COL4A1: variants seen among roughly 807,000 people sequenced by gnomAD.
COL4A1 encodes the protein collagen alpha-1(IV) chain.
A neutral mutation model predicts 216.6 loss-of-function variants in COL4A1; 40 were observed. The ratio of observed to expected loss-of-function variants is 0.18; its 90% CI spans 0.14 to 0.24. The LOEUF (loss-of-function observed/expected upper bound fraction) is 0.24. Among genes scored for constraint, COL4A1 ranks in the 10% least tolerant of loss-of-function variants. The pLI, the probability that COL4A1 is intolerant of heterozygous loss-of-function variation, is 1.00. For missense variants in COL4A1, 1,628 were observed against 2,196.8 expected, an observed-to-expected ratio of 0.74 and a Z score of 5.18; for synonymous variants, 839 against 810.7, an observed-to-expected ratio of 1.03 and a Z score of -0.59.
intron 1 of COL4A1, among the ~76,000 whole-genome samples, chr13:110,247,651 C>T (rs920722382): frequency 6.6e-6 from 1 of 151,784 alleles, no homozygotes; most frequent in African/African-American, 2.4e-5. Context: ...GGTTTTCTCG[C>T]ATCTACAGAC....
intron 1 of COL4A1, among the ~76,000 whole-genome samples, chr13:110,244,211 C>T (rs996178824): frequency 5.9e-5 from 9 of 152,116 alleles, no homozygotes; most frequent in African/African-American, 2.2e-4. Flanking sequence ...GCCATGGAGA[C>T]GCCTGCATAA....
At chr13:110,163,648 C>T (rs1877189011) in intron 46 of COL4A1, 87 bp from the exon 47 acceptor site, 1 of 1,252,822 alleles carries the variant, frequency 8.0e-7, no homozygotes, top group South Asian at 1.3e-5. Context: ...TTTCAGTGTT[C>T]AAGGAGCCAA....
At chr13:110,186,584 A>C (rs1471307479) in intron 25 of COL4A1, 31 bp from the exon 26 acceptor site, 2 of 1,613,102 alleles carry the variant, frequency 1.2e-6, no homozygotes, top group South Asian at 2.2e-5. Flanking sequence ...AGACACCGTT[A>C]TCAGAGACAC....
chr13:110,255,332 TGAG>T (rs1380425084), intron 1 of COL4A1, among the ~76,000 whole-genome samples: 1 of 151,202 alleles, frequency 6.6e-6, no homozygotes, highest in Non-Finnish European at 1.5e-5. Context: ...TGTATTAGCA[TGAG>T]GAGGGAAGGG....
chr13:110,220,923 G>A (rs991530998), intron 2 of COL4A1, among the ~76,000 whole-genome samples: 4 of 152,214 alleles, frequency 2.6e-5, no homozygotes, highest in African/African-American at 7.2e-5. Flanking sequence ...GGATTCTTGA[G>A]TGGAAAATCC....
chr13:110,184,423 TC>T (rs1594558732), intron 26 of COL4A1, among the ~76,000 whole-genome samples: 2 of 152,100 alleles, frequency 1.3e-5, no homozygotes, highest in African/African-American at 4.8e-5. Flanking sequence ...TGATCGGAAG[TC>T]CCTATGCCTG....
chr13:110,216,824 T>G (rs1187190525), intron 2 of COL4A1, among the ~76,000 whole-genome samples: 1 of 152,160 alleles, frequency 6.6e-6, no homozygotes, highest in Non-Finnish European at 1.5e-5. Context: ...ATTTCACAGA[T>G]AGGGAAATTA....
At chr13:110,224,114 C>T (rs1446467130) in intron 2 of COL4A1, among the ~76,000 whole-genome samples, 1 of 152,188 alleles carries the variant, frequency 6.6e-6, no homozygotes, top group Non-Finnish European at 1.5e-5. Flanking sequence ...AATGATCACA[C>T]TTAGGAGGTG....
rs1438305134 is a variant in COL4A1, at chr13:110,211,349, A to G, written c.468+298T>C. ...TGGGAAGTCTGAGAGGCACCCAGGG[A>G]GCCCCATTCTCCCATCTGCCTCCCC... is the stretch of plus-strand genomic sequence containing the variant. On this transcript the variant is annotated intron_variant, in intron 8 of 51. Transcript: ENST00000375820. The surrounding 1 kb of genome is among the most constrained non-coding windows in gnomAD (Gnocchi z 4.3). Among the ~76,000 whole-genome samples, 1 of 152,192 alleles carries G rather than the reference A, an allele frequency of 6.6e-6. No individual in the cohort carries two copies. Among genetic ancestry groups the G allele is most frequent in the Non-Finnish European group, 1.5e-5 (1 of 68,030 alleles).
intron 20 of COL4A1, among the ~76,000 whole-genome samples, 183 bp downstream of exon 20, chr13:110,200,671 C>A (rs936759363): frequency 6.6e-6 from 1 of 152,156 alleles, no homozygotes; most frequent in Non-Finnish European, 1.5e-5. Context: ...TGGTCACTTA[C>A]AAAAGACAAG....
intron 1 of COL4A1, among the ~76,000 whole-genome samples, chr13:110,266,962 G>C (rs9521681): frequency 2.6e-5 from 4 of 152,166 alleles, no homozygotes; most frequent in Non-Finnish European, 4.4e-5. Context: ...AATGAGATTT[G>C]AGAAAATTTG....
intron 19 of COL4A1, 90 bp downstream of exon 19, chr13:110,201,348 G>GGAGGAGGAGGAA: frequency 1.1e-6 from 1 of 931,632 alleles, no homozygotes; most frequent in Middle Eastern, 2.9e-4. Flanking sequence ...AGGAACAGGA[G>GGAGGAGGAGGAA]GAGGAGGAGG....
chr13:110,190,561 C>T (rs867592033), intron 24 of COL4A1, among the ~76,000 whole-genome samples: 28 of 152,312 alleles, frequency 1.8e-4, no homozygotes, highest in African/African-American at 5.8e-4. Context: ...GAAATGCTAT[C>T]TAAGTCAAAT....
intron 24 of COL4A1, among the ~76,000 whole-genome samples, chr13:110,188,881 C>A (rs191587762): frequency 1.6e-4 from 25 of 152,278 alleles, no homozygotes; most frequent in Admixed American, 1.4e-3. Context: ...CCATACCAAC[C>A]ACGATGCACT....
At chr13:110,162,902 A>G (rs1877151987) in intron 47 of COL4A1, among the ~76,000 whole-genome samples, 1 of 152,236 alleles carries the variant, frequency 6.6e-6, no homozygotes, top group Non-Finnish European at 1.5e-5. Flanking sequence ...AAGCCTGCGT[A>G]TGGAAATGGA....
chr13:110,226,459 T>C (rs1880741307), intron 2 of COL4A1, among the ~76,000 whole-genome samples: 1 of 152,264 alleles, frequency 6.6e-6, no homozygotes, highest in African/African-American at 2.4e-5. Context: ...TACTTGTCTG[T>C]ATCTTATCAC....
chr13:110,276,242 A>AAAAAAT (rs1358513248), intron 1 of COL4A1, among the ~76,000 whole-genome samples: 1 of 152,176 alleles, frequency 6.6e-6, no homozygotes, highest in Non-Finnish European at 1.5e-5. Context: ...CAAGTCAATT[A>AAAAAAT]AAAAATAAAA....
chr13:110,150,048 C>T lies in COL4A1; in HGVS notation c.*315G>A, dbSNP rs1876427040. ...ACAGTATGGAAGGCACCCACACCTC[C>T]TAGCACCCTTTGGTTTTCTGATGGA... On this transcript the variant is annotated 3_prime_UTR_variant, in exon 52 of 52. Transcript: ENST00000375820. 2.4e-6 allele frequency: 1 copy of T among 412,106 alleles called. No homozygotes were observed. Among genetic ancestry groups the T allele is most frequent in the African/African-American group, 2.0e-5 (1 of 48,906 alleles). The allele number at this position is 412,106 out of a possible 1,614,324, so 25.5% of individuals were successfully genotyped here. A position where few individuals can be genotyped will look rare whatever the true frequency, so the allele number is the denominator to read the frequency against.
chr13:110,173,551 G>T (rs1402484157), intron 40 of COL4A1, among the ~76,000 whole-genome samples: 2 of 152,130 alleles, frequency 1.3e-5, no homozygotes, highest in African/African-American at 4.8e-5. Flanking sequence ...GCTGGGCAAA[G>T]AAAAGAGTTT....
Sources: gnomAD v4.1 joint callset for allele counts (sites outside exome capture counted in the v4.1 genomes callset) on GRCh38, gnomAD v4.1.1 for gene constraint, Gnocchi (gnomAD v3.1) non-coding constraint, MANE v1.5 for transcripts, NCBI Gene and HGNC (gene_info 2026-07-23, HGNC 2026-07-21) for gene names.